Variants in INAVA observed in about 807,000 individuals in gnomAD.
INAVA encodes innate immunity activator protein.
A neutral mutation model predicts 55.3 loss-of-function variants in INAVA; 32 were observed. The ratio of observed to expected loss-of-function variants is 0.58; its 90% CI spans 0.44 to 0.78. INAVA has a LOEUF of 0.78. Among genes scored for constraint, INAVA ranks in the 30% least tolerant of loss-of-function variants. The probability of loss-of-function intolerance (pLI) is 0.00; values close to 1 mark genes in which losing one functional copy is unlikely to be tolerated. For missense variants in INAVA, 756 were observed against 786.4 expected (o/e 0.96, Z 0.46); for synonymous variants, 294 against 329.4 (o/e 0.89, Z 1.16).
chr1:200,899,731 C>T, intron 3 of INAVA, 134 bp downstream of exon 3: 9 of 1,310,024 alleles, frequency 6.9e-6, no homozygotes, highest in Admixed American at 4.8e-5. Context: ...GGGGCTGGGG[C>T]CCAGAGTCCC....
chr1:200,896,798 CA>C (rs1249548316), intron 1 of INAVA, among the ~76,000 whole-genome samples: 16 of 152,372 alleles, frequency 1.1e-4, no homozygotes, highest in African/African-American at 3.8e-4. Context: ...CCAGCTTTCC[CA>C]AGGCCGACTT....
intron 4 of INAVA, among the ~76,000 whole-genome samples, chr1:200,900,567 G>A (rs1316941569): frequency 6.6e-6 from 1 of 152,214 alleles, no homozygotes; most frequent in Admixed American, 6.5e-5. Context: ...AGGAGGAGGT[G>A]GGGGCAGTCA....
chr1:200,899,732 C>A, intron 3 of INAVA, 135 bp downstream of exon 3: 1 of 1,320,138 alleles, frequency 7.6e-7, no homozygotes, highest in Non-Finnish European at 1.0e-6. Context: ...GGGCTGGGGC[C>A]CAGAGTCCCC....
upstream of INAVA, among the ~76,000 whole-genome samples, chr1:200,893,114 C>A (rs1668269271): frequency 6.6e-6 from 1 of 152,152 alleles, no homozygotes; most frequent in African/African-American, 2.4e-5. Context: ...ATGAAGACAA[C>A]AAATCACAGT....
intron 7 of INAVA, 51 bp from the exon 8 acceptor site, chr1:200,909,173 C>T: frequency 4.1e-6 from 6 of 1,470,596 alleles, no homozygotes; most frequent in Non-Finnish European, 5.4e-6. Context: ...ACCTCTTGAG[C>T]CCCTGAATGG....
chr1:200,907,771 T>C, intron 5 of INAVA, 63 bp from the exon 6 acceptor site: 2 of 1,419,842 alleles, frequency 1.4e-6, no homozygotes, highest in Non-Finnish European at 2.0e-6. Flanking sequence ...GCACTGCTGG[T>C]TACTCATATC....
At position 200,898,318 on chromosome 1, in the gene INAVA, C is replaced by A. The variant is rs1485826012; in HGVS notation, c.-83C>A. Reference sequence around the variant, plus strand: ...TTTTCTCTTTAAAGCTGGGGAAGCTCCAGGCTACCTACACAACCTGGCCCA... The same window carrying A: ...TTTTCTCTTTAAAGCTGGGGAAGCTACAGGCTACCTACACAACCTGGCCCA... On this transcript the variant is annotated 5_prime_UTR_variant, in exon 2 of 10. Coordinates refer to ENST00000413687, the MANE Select transcript of INAVA (RefSeq NM_001142569.3). The A allele has an allele frequency of 5.6e-6, 9 of 1,611,048 alleles. No individual in the cohort carries two copies. The highest frequency in any genetic ancestry group is 7.6e-6 in the Non-Finnish European group (9 of 1,179,230).
At position 200,909,400 on chromosome 1, in the gene INAVA, AAG is replaced by A; in HGVS notation, c.959+7_959+8del. 6.3e-7 allele frequency: 1 copy of A among 1,577,418 alleles called. No individual in the cohort carries two copies. The highest frequency in any genetic ancestry group is 1.2e-5 in the South Asian group (1 of 86,576). On this transcript the variant is annotated splice_donor_5th_base_variant and intron_variant, in intron 8 of 9. Transcript: ENST00000413687. ...AGGGGCCAGTCGCAGTCTCTGAGGT[AAG>A]AGACAGCTTCCCCAGAGAGATGGGG...
chr1:200,900,334 G>A (rs1653189791), intron 4 of INAVA, 114 bp downstream of exon 4: 1 of 916,712 alleles, frequency 1.1e-6, no homozygotes, highest in Admixed American at 2.3e-5. Context: ...CACACCCAGT[G>A]AGGGTGCTTG....
At chr1:200,906,078 A>T (rs1323167505) in intron 5 of INAVA, 2 of 152,268 alleles carry the variant, frequency 1.3e-5, no homozygotes, top group African/African-American at 2.4e-5. Flanking sequence ...GAATTACCTG[A>T]ATTAATATAT....
At position 200,911,741 on chromosome 1, in the gene INAVA, A is replaced by C. The variant is rs45547233; in HGVS notation, c.1248A>C (p.Arg416Ser). ...GGGCCTGGGTCCCAGCCGGCAGCAG[A>C]GAGCTGGTCGCCCACCACCCCAAGC... The part of the protein sequence containing the change: ...HRGAWVPAGS[R>S]ELVAHHPKLL... The change falls in exon 9 of 10, where the codon AGA becomes AGC. Residue 416 changes from arginine (R) to serine (S), a missense_variant. Arg to Ser is a moderately radical substitution (Grantham distance 110). Coordinates refer to ENST00000413687, the MANE Select transcript of INAVA (RefSeq NM_001142569.3). 0.11 allele frequency: 177,892 copies of C among 1,611,852 alleles called. 10,805 individuals are homozygous for C. Among genetic ancestry groups the C allele is most frequent in the Non-Finnish European group, 0.12 (143,757 of 1,178,586 alleles).
rs746176270 is a variant in INAVA at position 200,908,912 on chromosome 1, A to T, written c.757A>T (p.Lys253Ter). The T allele has an allele frequency of 1.2e-6, 2 of 1,613,670 alleles. No individual in the cohort carries two copies. Among genetic ancestry groups the T allele is most frequent in the Non-Finnish European group, 1.7e-6 (2 of 1,179,772 alleles). ...GGACCACCCCTATGAGAAGCCCAGG[A>T]AGTCTTCTGAGCCCTGGAGCGAGTC... The part of the protein sequence containing the change: ...SLDHPYEKPR[K>*]SSEPWSESSS... The change falls in exon 7 of 10, where the codon AAG becomes TAG. Residue 253 changes from lysine to a stop codon, truncating the protein, a stop_gained. Coordinates refer to ENST00000413687, the MANE Select transcript of INAVA (RefSeq NM_001142569.3). LOFTEE classifies it high-confidence loss of function.
chr1:200,901,901 C>T (rs1653271138), intron 5 of INAVA, among the ~76,000 whole-genome samples: 1 of 152,192 alleles, frequency 6.6e-6, no homozygotes, highest in South Asian at 2.1e-4. Flanking sequence ...GTGTCCACCA[C>T]AGGTTAGCTT....
At position 200,900,958 on chromosome 1, in the gene INAVA, C is replaced by G; in HGVS notation, c.319C>G (p.Arg107Gly). ...TCAGGACCCCCTAAGCAGCCTGGAG[C>G]GCCAGCTGGCCCTGCAGCTGCAGAT... Reference protein sequence around the residue: ...HREDPLSSLERQLALQLQITE... With the variant: ...HREDPLSSLEGQLALQLQITE... Residue 107 changes from arginine (R) to glycine (G), a missense_variant, in exon 5 of 10, where the codon CGC becomes GGC. Arg to Gly is a moderately radical substitution (Grantham distance 125, BLOSUM62 -2). Coordinates refer to ENST00000413687, the MANE Select transcript of INAVA (RefSeq NM_001142569.3). 1.3e-6 allele frequency: 2 copies of G among 1,552,490 alleles called. No homozygotes were observed. Among genetic ancestry groups the G allele is most frequent in the Non-Finnish European group, 1.7e-6 (2 of 1,147,138 alleles).
At chr1:200,891,619 C>T (rs866644652), upstream of INAVA, 1 of 1,541,352 alleles carries the variant, frequency 6.5e-7, no homozygotes. Context: ...GGGAAGATGG[C>T]CTGGACAAAC....
chr1:200,903,804 A>C (rs1459224418), intron 5 of INAVA, among the ~76,000 whole-genome samples: 1 of 31,648 alleles, frequency 3.2e-5, no homozygotes, highest in African/African-American at 1.0e-4. Context: ...ACTCTGTCTC[A>C]AAAAAAAAAA....
upstream of INAVA, chr1:200,894,823 T>C: frequency 1.0e-6 from 1 of 985,528 alleles, no homozygotes; most frequent in Non-Finnish European, 1.2e-6. Context: ...TGCACGGGAT[T>C]AGTTCAGGGA....
At chr1:200,904,738 T>C (rs893454038) in intron 5 of INAVA, among the ~76,000 whole-genome samples, 10 of 149,554 alleles carry the variant, frequency 6.7e-5, no homozygotes, top group East Asian at 2.0e-4. Context: ...TTTTTTTTTT[T>C]CCAATCTTTT....
rs1467871029 is a variant in INAVA at position 200,913,522 on chromosome 1, TCCTGAC to T, written c.1645-10_1645-5del. On this transcript the variant is annotated splice_polypyrimidine_tract_variant and intron_variant, in intron 9 of 9. Transcript: ENST00000413687. ...GTTCATTTACCCACCTGTCCTTTCT[TCCTGAC>T]CCTGGCAGGTGCCCACAGTTTGTGT... 5 of 1,612,562 alleles carry T rather than the reference TCCTGAC, an allele frequency of 3.1e-6. No homozygotes were observed. Among genetic ancestry groups the T allele is most frequent in the Admixed American group, 1.7e-5 (1 of 59,970 alleles).
Sources: allele counts gnomAD v4.1 joint callset (sites outside exome capture counted in the v4.1 genomes callset), GRCh38; gene constraint gnomAD v4.1.1; transcripts MANE v1.5; gene names NCBI Gene and HGNC (gene_info 2026-07-23, HGNC 2026-07-21).